Variants in FHIT observed in about 807,000 individuals in gnomAD.
FHIT encodes the protein bis(5'-adenosyl)-triphosphatase.
FHIT carries 19 observed loss-of-function variants against 17.9 expected under a neutral mutation model. The ratio of observed to expected loss-of-function variants is 1.06; its 90% CI spans 0.74 to 1.56. The LOEUF (loss-of-function observed/expected upper bound fraction) is 1.56, where lower values mean the gene tolerates loss of function less well. Among genes scored for constraint, FHIT ranks in the 40% most tolerant of loss-of-function variants. The pLI is 0.00. For synonymous variants in FHIT, 81 were observed against 69.7 expected, an observed-to-expected ratio of 1.16 and a Z score of -0.81; for missense variants, 248 against 189.2, an observed-to-expected ratio of 1.31 and a Z score of -1.82.
At chr3:60,461,685 C>T (rs1236942464) in intron 5 of FHIT, among the ~76,000 whole-genome samples, 1 of 152,126 alleles carries the variant, frequency 6.6e-6, no homozygotes, top group African/African-American at 2.4e-5. Context: ...TCCATGCTTG[C>T]TTATTAAGCA....
chr3:60,377,498 G>A (rs111761973), intron 5 of FHIT, among the ~76,000 whole-genome samples: 23,233 of 79,380 alleles, frequency 0.29, 4,654 homozygotes, highest in Non-Finnish European at 0.4. Flanking sequence ...TTTTTGAGAC[G>A]GAGTCTCGCT....
At chr3:60,783,205 C>G (rs1261235265) in intron 4 of FHIT, among the ~76,000 whole-genome samples, 1 of 151,990 alleles carries the variant, frequency 6.6e-6, no homozygotes, top group Non-Finnish European at 1.5e-5. Context: ...CTCACTGGGT[C>G]TTATGTTCCA....
chr3:59,943,427 T>C (rs1008040569), intron 7 of FHIT, among the ~76,000 whole-genome samples: 3 of 152,264 alleles, frequency 2.0e-5, no homozygotes, highest in South Asian at 4.2e-4. Context: ...AGAACATGAA[T>C]ACCTGCTTTA....
chr3:59,965,941 TC>T (rs1277372392), intron 7 of FHIT, among the ~76,000 whole-genome samples: 3 of 152,240 alleles, frequency 2.0e-5, no homozygotes, highest in African/African-American at 7.2e-5. Context: ...AAATGAGACT[TC>T]TAGGGAGTAT....
At chr3:60,562,766 C>T (rs947103924) in intron 4 of FHIT, among the ~76,000 whole-genome samples, 1 of 152,136 alleles carries the variant, frequency 6.6e-6, no homozygotes, top group African/African-American at 2.4e-5. Flanking sequence ...TTGAGAAGCC[C>T]TGGAGCTAGC....
chr3:59,934,115 A>T (rs73104524), intron 7 of FHIT, among the ~76,000 whole-genome samples: 3,311 of 152,282 alleles, frequency 0.022, 67 homozygotes, highest in East Asian at 0.082. Flanking sequence ...CTATTTATTA[A>T]GCTCTTACTA....
At chr3:61,057,874 T>A (rs925663630) in intron 2 of FHIT, among the ~76,000 whole-genome samples, 1 of 152,178 alleles carries the variant, frequency 6.6e-6, no homozygotes, top group African/African-American at 2.4e-5. Flanking sequence ...AAACAAGAGC[T>A]AAGACGACTA....
rs965604448 is a variant in FHIT, at chr3:60,959,880, T to C, written c.-111+82167A>G. ...GAGGGCAATTTTCATTCTCATTTCTTTTTCTTATTGATTATTTCCAACCCT... is the reference window on the plus strand; with the variant it reads ...GAGGGCAATTTTCATTCTCATTTCTCTTTCTTATTGATTATTTCCAACCCT... On this transcript the variant is annotated intron_variant, in intron 3 of 9. Coordinates refer to ENST00000492590, the MANE Select transcript of FHIT (RefSeq NM_002012.4). Among the ~76,000 whole-genome samples the C allele has an allele frequency of 6.6e-5, 10 of 151,786 alleles. 1 individual carries two copies. Among genetic ancestry groups the C allele is most frequent in the Non-Finnish European group, 1.3e-4 (9 of 67,974 alleles).
At chr3:60,927,398 G>T (rs797032894) in intron 3 of FHIT, among the ~76,000 whole-genome samples, 68 of 152,270 alleles carry the variant, frequency 4.5e-4, no homozygotes, top group African/African-American at 1.6e-3. Context: ...CCTCTGCCCC[G>T]CCGCCACCCT....
chr3:60,363,816 G>T (rs1193153969), intron 5 of FHIT, among the ~76,000 whole-genome samples: 1 of 152,154 alleles, frequency 6.6e-6, no homozygotes, highest in Non-Finnish European at 1.5e-5. Flanking sequence ...GAGATGAGAA[G>T]GAGGGAAGAA....
At position 60,531,500 on chromosome 3, in the gene FHIT, G is replaced by T. The variant is rs576327481; in HGVS notation, c.103+5360C>A. 4.0e-4 allele frequency among the ~76,000 whole-genome samples: 61 copies of T among 152,012 alleles called. 1 individual carries two copies. In the East Asian group the frequency reaches 7.4e-3, roughly 18 times the overall value. On this transcript the variant is annotated intron_variant, in intron 5 of 9. Transcript: ENST00000492590. Reference sequence around the variant, plus strand: ...TCACCGTGTTAGCCAGGATGGTCTCGATCTCCTGACCTCGTGATCCGCCCG... The same window carrying T: ...TCACCGTGTTAGCCAGGATGGTCTCTATCTCCTGACCTCGTGATCCGCCCG...
intron 5 of FHIT, among the ~76,000 whole-genome samples, chr3:60,159,728 G>A (rs1298062209): frequency 6.6e-6 from 1 of 152,116 alleles, no homozygotes; most frequent in African/African-American, 2.4e-5. Flanking sequence ...ATTATCCCCA[G>A]TTCAAAGCTG....
At chr3:59,763,075 G>T (rs1472951777) in intron 8 of FHIT, among the ~76,000 whole-genome samples, 2 of 152,178 alleles carry the variant, frequency 1.3e-5, no homozygotes, top group African/African-American at 4.8e-5. Context: ...TGGTGTTTAA[G>T]CAAGACTGTT....
At chr3:60,509,468 A>C (rs2034860909) in intron 5 of FHIT, among the ~76,000 whole-genome samples, 1 of 152,256 alleles carries the variant, frequency 6.6e-6, no homozygotes, top group South Asian at 2.1e-4. Context: ...CATCTCTGTT[A>C]GACTGAATCC....
intron 2 of FHIT, among the ~76,000 whole-genome samples, chr3:61,143,359 T>C (rs1576095954): frequency 2.0e-5 from 3 of 152,320 alleles, no homozygotes; most frequent in Non-Finnish European, 4.4e-5. Flanking sequence ...ATAATATACA[T>C]AGCATATAAT....
At chr3:60,685,818 T>TA (rs1553698277) in intron 4 of FHIT, among the ~76,000 whole-genome samples, 1 of 152,196 alleles carries the variant, frequency 6.6e-6, no homozygotes, top group African/African-American at 2.4e-5. Context: ...ATAAATCCCA[T>TA]AAAAATGATG....
intron 3 of FHIT, among the ~76,000 whole-genome samples, chr3:60,829,168 C>A (rs1165172769): frequency 6.6e-6 from 1 of 152,178 alleles, no homozygotes; most frequent in African/African-American, 2.4e-5. Flanking sequence ...ACTCTAGAAA[C>A]ACCATAGTAA....
At chr3:60,275,880 C>T (rs536769357) in intron 5 of FHIT, among the ~76,000 whole-genome samples, 2 of 152,188 alleles carry the variant, frequency 1.3e-5, no homozygotes, top group Non-Finnish European at 2.9e-5. Context: ...TTTATGTGTG[C>T]ACAAATTAAG....
At chr3:60,029,166 G>A (rs1377947939) in intron 5 of FHIT, among the ~76,000 whole-genome samples, 1 of 152,102 alleles carries the variant, frequency 6.6e-6, no homozygotes, top group African/African-American at 2.4e-5. Context: ...TTTATACTCT[G>A]ATAACTTATA....
Sources: allele counts gnomAD v4.1 joint callset (sites outside exome capture counted in the v4.1 genomes callset), GRCh38; gene constraint gnomAD v4.1.1; transcripts MANE v1.5; gene names NCBI Gene and HGNC (gene_info 2026-07-23, HGNC 2026-07-21).